Variants in GPR176 observed in about 807,000 individuals in gnomAD.
The protein encoded by GPR176 is G protein-coupled receptor 176, also known as G-protein coupled receptor 176.
A neutral mutation model predicts 35.4 loss-of-function variants in GPR176; 26 were observed. The ratio of observed to expected loss-of-function variants is 0.74; its 90% confidence interval spans 0.54 to 1.02. The LOEUF is 1.02. GPR176 is among the 50% of genes least tolerant of loss of function. GPR176 has a pLI of 0.00. For missense variants in GPR176, 597 were observed against 665.3 expected, an observed-to-expected ratio of 0.90 and a Z score of 1.13; for synonymous variants, 278 against 271.3, an observed-to-expected ratio of 1.02 and a Z score of -0.24.
At chr15:39,823,616 C>T (rs759724658) in intron 1 of GPR176, among the ~76,000 whole-genome samples, 2 of 152,204 alleles carry the variant, frequency 1.3e-5, no homozygotes, top group Admixed American at 6.5e-5. Context: ...CCATCTAACA[C>T]ATTCTCCACA....
intron 1 of GPR176, among the ~76,000 whole-genome samples, chr15:39,867,321 C>T (rs950401128): frequency 2.1e-4 from 26 of 125,838 alleles, no homozygotes; most frequent in Admixed American, 2.0e-3. Flanking sequence ...GCAATGGGAC[C>T]ACAGAAAAGG....
chr15:39,815,284 A>G (rs1338569864), intron 1 of GPR176: 2 of 152,256 alleles, frequency 1.3e-5, no homozygotes, highest in Non-Finnish European at 2.9e-5. Context: ...CCAGTTTCCA[A>G]ATGGAACACT....
intron 1 of GPR176, chr15:39,813,177 G>T (rs1899681507): frequency 6.6e-6 from 1 of 151,990 alleles, no homozygotes; most frequent in Non-Finnish European, 1.5e-5. Context: ...TCTTTCAGTA[G>T]TCATTTAACG....
chr15:39,912,470 T>G (rs973072355), intron 1 of GPR176, among the ~76,000 whole-genome samples: 3 of 150,794 alleles, frequency 2.0e-5, no homozygotes, highest in African/African-American at 7.3e-5. Context: ...AAAAAAAAAA[T>G]TATCCAGGTG....
intron 1 of GPR176, among the ~76,000 whole-genome samples, chr15:39,886,141 G>A (rs1200728716): frequency 6.6e-6 from 1 of 152,194 alleles, no homozygotes; most frequent in African/African-American, 2.4e-5. Context: ...GCTGGGGCAG[G>A]AGAATCACTT....
At chr15:39,819,844 T>G (rs903576520) in intron 1 of GPR176, among the ~76,000 whole-genome samples, 6 of 152,220 alleles carry the variant, frequency 3.9e-5, no homozygotes, top group African/African-American at 4.8e-5. Flanking sequence ...TTCAGTCCAC[T>G]GGGACCTAGC....
chr15:39,809,902 T>G (rs1899430468), intron 1 of GPR176, among the ~76,000 whole-genome samples: 2 of 151,946 alleles, frequency 1.3e-5, no homozygotes, highest in Non-Finnish European at 2.9e-5. Context: ...TCCCAGCACT[T>G]TGGGAGGCTG....
At chr15:39,888,534 T>C (rs2032752677) in intron 1 of GPR176, among the ~76,000 whole-genome samples, 1 of 152,186 alleles carries the variant, frequency 6.6e-6, no homozygotes, top group Non-Finnish European at 1.5e-5. Flanking sequence ...CCTCAACTGA[T>C]CCTCCTGCCT....
rs534290405 is a variant in GPR176 at position 39,859,129 on chromosome 15, A to T, written c.173-51871T>A. 8.5e-4 allele frequency among the ~76,000 whole-genome samples: 130 copies of T among 152,318 alleles called. 1 individual carries two copies. The highest frequency in any genetic ancestry group is 8.8e-5 in the Non-Finnish European group (6 of 68,026). On this transcript the variant is annotated intron_variant, in intron 1 of 2. Coordinates refer to ENST00000561100, the MANE Select transcript of GPR176 (RefSeq NM_007223.3). ...ATGTGAAAACTGGCACCCAAAAACT[A>T]GGATAGAAAAATCTTTAAAAGATTA...
At chr15:39,913,302 C>T (rs982093469) in intron 1 of GPR176, among the ~76,000 whole-genome samples, 7 of 152,024 alleles carry the variant, frequency 4.6e-5, no homozygotes, top group East Asian at 1.9e-4. Context: ...CCCAGCACTT[C>T]GGGAAGCTGA....
intron 1 of GPR176, among the ~76,000 whole-genome samples, chr15:39,839,097 G>T (rs1901585867): frequency 6.6e-6 from 1 of 152,146 alleles, no homozygotes. Flanking sequence ...TCCTCATCAA[G>T]CTACCAATGA....
chr15:39,819,915 T>A (rs190827109), intron 1 of GPR176, among the ~76,000 whole-genome samples: 58 of 152,314 alleles, frequency 3.8e-4, no homozygotes, highest in African/African-American at 1.2e-3. Flanking sequence ...CTCCTTATGA[T>A]CTGACACAAT....
intron 1 of GPR176, among the ~76,000 whole-genome samples, chr15:39,860,441 T>C (rs1196275144): frequency 6.6e-6 from 1 of 152,248 alleles, no homozygotes; most frequent in Non-Finnish European, 1.5e-5. Flanking sequence ...TTTCAGTTTC[T>C]AGGGGAGTTC....
At chr15:39,908,009 A>T (rs867358473) in intron 1 of GPR176, among the ~76,000 whole-genome samples, 15 of 152,000 alleles carry the variant, frequency 9.9e-5, no homozygotes, top group Non-Finnish European at 1.6e-4. Flanking sequence ...AACAAAATTT[A>T]AAAAAAATAG....
At chr15:39,831,164 C>T (rs1271113892) in intron 1 of GPR176, among the ~76,000 whole-genome samples, 2 of 152,130 alleles carry the variant, frequency 1.3e-5, no homozygotes, top group African/African-American at 4.8e-5. Context: ...TTTGGAGTTG[C>T]CTTGGTTTCT....
chr15:39,897,451 G>A (rs2033146554), intron 1 of GPR176, among the ~76,000 whole-genome samples: 1 of 152,142 alleles, frequency 6.6e-6, no homozygotes, highest in Admixed American at 6.5e-5. Flanking sequence ...CACACATTAA[G>A]GCCACTTTGC....
At chr15:39,893,754 C>T (rs557472305) in intron 1 of GPR176, among the ~76,000 whole-genome samples, 1 of 147,214 alleles carries the variant, frequency 6.8e-6, no homozygotes, top group African/African-American at 2.5e-5. Flanking sequence ...ACCTCCCTCC[C>T]GGGCGGGGCG....
At chr15:39,882,513 C>A (rs1052662849) in intron 1 of GPR176, among the ~76,000 whole-genome samples, 1 of 152,122 alleles carries the variant, frequency 6.6e-6, no homozygotes, top group Non-Finnish European at 1.5e-5. Flanking sequence ...GTTAACATTT[C>A]TTTTGTAGGC....
At chr15:39,884,221 T>C (rs2032586770) in intron 1 of GPR176, among the ~76,000 whole-genome samples, 1 of 152,224 alleles carries the variant, frequency 6.6e-6, no homozygotes, top group Non-Finnish European at 1.5e-5. Context: ...CTGCAAACAG[T>C]GCAGGTAATA....
Sources: allele counts gnomAD v4.1 joint callset (sites outside exome capture counted in the v4.1 genomes callset), GRCh38; gene constraint gnomAD v4.1.1; transcripts MANE v1.5; gene names NCBI Gene and HGNC (gene_info 2026-07-23, HGNC 2026-07-21).